SWAP70: variants seen among roughly 807,000 people sequenced by gnomAD.
SWAP70 encodes switching B cell complex subunit SWAP70.
SWAP70 carries 34 observed loss-of-function variants against 80.2 expected under a neutral mutation model. That is an observed-to-expected ratio of 0.42 (90% CI 0.32 to 0.56). The LOEUF (loss-of-function observed/expected upper bound fraction) is 0.56. Among genes scored for constraint, SWAP70 ranks in the 20% least tolerant of loss-of-function variants. The pLI is 0.09. For synonymous variants in SWAP70, 239 were observed against 238.5 expected (o/e 1.00, Z -0.02); for missense variants, 578 against 690.7 (o/e 0.84, Z 1.83).
intron 4 of SWAP70, among the ~76,000 whole-genome samples, chr11:9,726,287 T>A (rs906486107): frequency 2.2e-4 from 33 of 152,344 alleles, no homozygotes; most frequent in African/African-American, 7.9e-4. Context: ...CAATTTATAT[T>A]TTTTTGGTGA....
At chr11:9,701,940 T>C (rs1590025057) in intron 2 of SWAP70, among the ~76,000 whole-genome samples, 1 of 152,348 alleles carries the variant, frequency 6.6e-6, no homozygotes, top group East Asian at 1.9e-4. Flanking sequence ...TGGTTTGGGC[T>C]ATATGATTAA....
chr11:9,680,446 G>A (rs182403490), intron 1 of SWAP70, among the ~76,000 whole-genome samples: 4 of 152,130 alleles, frequency 2.6e-5, no homozygotes, highest in African/African-American at 7.2e-5. Flanking sequence ...ATGGAGTTTC[G>A]CTCTTGTCAC....
intron 3 of SWAP70, among the ~76,000 whole-genome samples, chr11:9,717,013 T>TA (rs1475353679): frequency 6.6e-6 from 1 of 152,188 alleles, no homozygotes; most frequent in Non-Finnish European, 1.5e-5. Flanking sequence ...CAGAAGTAGT[T>TA]ACTGGCATTA....
At chr11:9,740,453 T>A in intron 9 of SWAP70, 106 bp downstream of exon 9, 4 of 1,156,656 alleles carry the variant, frequency 3.5e-6, no homozygotes, top group Non-Finnish European at 3.9e-6. Flanking sequence ...GTCTCTGCTC[T>A]GGCTGTGACT....
intron 1 of SWAP70, among the ~76,000 whole-genome samples, chr11:9,679,786 A>G (rs1850544481): frequency 6.6e-6 from 1 of 152,082 alleles, no homozygotes; most frequent in Admixed American, 6.6e-5. Context: ...CTCCTGCCTT[A>G]GCCTCCTGAG....
chr11:9,696,893 AATG>A (rs1383188512), intron 2 of SWAP70, among the ~76,000 whole-genome samples: 1 of 152,138 alleles, frequency 6.6e-6, no homozygotes, highest in African/African-American at 2.4e-5. Flanking sequence ...AAAAAATGAT[AATG>A]ATAATACTTT....
intron 1 of SWAP70, among the ~76,000 whole-genome samples, chr11:9,667,602 G>C (rs923155612): frequency 4.6e-5 from 7 of 151,512 alleles, no homozygotes; most frequent in African/African-American, 1.7e-4. Context: ...TCTTTTTGTC[G>C]CCCAGGCTGG....
Position 9,738,221 on chromosome 11 carries a change from G to A in SWAP70, c.1089G>A (p.Glu363=), listed in dbSNP as rs1851388692. The A allele has an allele frequency of 1.2e-6, 2 of 1,606,418 alleles. No individual in the cohort carries two copies. The highest frequency in any genetic ancestry group is 1.7e-6 in the Non-Finnish European group (2 of 1,176,674). Residue 363 remains glutamate, a synonymous_variant, in exon 8 of 12, where the codon GAG becomes GAA. Coordinates refer to ENST00000318950, the MANE Select transcript of SWAP70 (RefSeq NM_015055.4). ...QELEAVRKKL[E]EAASRAAEEE... Reference sequence around the variant, plus strand: ...GGTTTTTGATTGGCTAGAAACTGGAGGAAGCAGCATCTCGTGCAGCAGAAG... The same window carrying A: ...GGTTTTTGATTGGCTAGAAACTGGAAGAAGCAGCATCTCGTGCAGCAGAAG...
intron 2 of SWAP70, among the ~76,000 whole-genome samples, chr11:9,710,108 A>G (rs1363101453): frequency 6.6e-6 from 1 of 152,126 alleles, no homozygotes; most frequent in Non-Finnish European, 1.5e-5. Context: ...GCAAAGGCAG[A>G]AGAAAATCCA....
intron 1 of SWAP70, among the ~76,000 whole-genome samples, chr11:9,677,998 G>C (rs866466113): frequency 6.6e-5 from 10 of 152,242 alleles, no homozygotes; most frequent in Middle Eastern, 3.4e-3. Context: ...TTACTTGCTA[G>C]TTACAAAGGT....
At chr11:9,748,165 G>C in intron 10 of SWAP70, 109 bp downstream of exon 10, 1 of 1,177,916 alleles carries the variant, frequency 8.5e-7, no homozygotes, top group Non-Finnish European at 1.2e-6. Flanking sequence ...TAAGAATCTT[G>C]CTTAGCTGTA....
intron 4 of SWAP70, among the ~76,000 whole-genome samples, chr11:9,726,182 T>C (rs985650340): frequency 1.3e-5 from 2 of 152,260 alleles, no homozygotes; most frequent in East Asian, 3.9e-4. Flanking sequence ...GAAAAAAAAA[T>C]ACCTTTATGT....
intron 4 of SWAP70, chr11:9,725,161 A>G (rs926269760): frequency 6.1e-6 from 2 of 328,712 alleles, no homozygotes; most frequent in Non-Finnish European, 1.1e-5. Context: ...TATATTTAGT[A>G]GAGATGGGGT....
chr11:9,687,080 G>C (rs1057406025), intron 1 of SWAP70, among the ~76,000 whole-genome samples: 2 of 152,082 alleles, frequency 1.3e-5, no homozygotes, highest in African/African-American at 2.4e-5. Flanking sequence ...TATTTTATTT[G>C]CCTATTTTTG....
At chr11:9,725,570 T>TATATATATATA (rs1491328428) in intron 4 of SWAP70, among the ~76,000 whole-genome samples, 4 of 13,786 alleles carry the variant, frequency 2.9e-4, no homozygotes, top group African/African-American at 7.8e-4. Context: ...TATATATATA[T>TATATATATATA]TTTTTTTTTT....
chr11:9,673,541 C>T (rs1850446958), intron 1 of SWAP70, among the ~76,000 whole-genome samples: 1 of 152,102 alleles, frequency 6.6e-6, no homozygotes, highest in Admixed American at 6.5e-5. Context: ...TACAGACAAC[C>T]ATGTAGAAAT....
chr11:9,738,715 G>T (rs1463930450), intron 8 of SWAP70, among the ~76,000 whole-genome samples: 1 of 147,970 alleles, frequency 6.8e-6, no homozygotes, highest in East Asian at 2.0e-4. Flanking sequence ...AAAAGAATTA[G>T]CCAGGCCTGT....
At position 9,729,436 on chromosome 11, in the gene SWAP70, CAG is replaced by C; in HGVS notation, c.884_885del (p.Gln295ArgfsTer38). 6.2e-7 allele frequency: 1 copy of C among 1,607,918 alleles called. No individual in the cohort carries two copies. Among genetic ancestry groups the C allele is most frequent in the Non-Finnish European group, 8.5e-7 (1 of 1,175,050 alleles). On this transcript the variant is annotated frameshift_variant, in exon 6 of 12. Transcript: ENST00000318950. LOFTEE classifies it high-confidence loss of function. ...CAGTGCTTCAGATAAGAAGAAGAAACAGGAGTGGATTCAAGGTAAGGTGATTT... is the reference window on the plus strand; with the variant it reads ...CAGTGCTTCAGATAAGAAGAAGAAACGAGTGGATTCAAGGTAAGGTGATTT... The part of the protein sequence containing the change: ...EISASDKKKK[Q>X]EWIQAIHSTI...
At chr11:9,674,894 G>A (rs1328044821) in intron 1 of SWAP70, among the ~76,000 whole-genome samples, 1 of 152,086 alleles carries the variant, frequency 6.6e-6, no homozygotes, top group African/African-American at 2.4e-5. Flanking sequence ...GTGTGAACCC[G>A]GGAGGCAGAG....
Sources: allele counts gnomAD v4.1 joint callset (sites outside exome capture counted in the v4.1 genomes callset), GRCh38; gene constraint gnomAD v4.1.1; transcripts MANE v1.5; gene names NCBI Gene and HGNC (gene_info 2026-07-23, HGNC 2026-07-21).